NKAIN3: variants seen among roughly 807,000 people sequenced by gnomAD.
The protein encoded by NKAIN3 is sodium/potassium-transporting ATPase subunit beta-1-interacting protein 3.
Under a neutral mutation model 30.2 loss-of-function variants are expected in NKAIN3, and 25 were observed. That is an observed-to-expected ratio of 0.83 (90% CI 0.60 to 1.16). NKAIN3 has a LOEUF of 1.16. NKAIN3 is among the 50% of genes most tolerant of loss of function. The pLI, the probability that NKAIN3 is intolerant of heterozygous loss-of-function variation, is 0.00. For synonymous variants in NKAIN3, 91 were observed against 89.6 expected, an observed-to-expected ratio of 1.02 and a Z score of -0.09; for missense variants, 225 against 254.1, an observed-to-expected ratio of 0.89 and a Z score of 0.78.
chr8:62,409,184 CTT>C (rs1301730208), intron 1 of NKAIN3, among the ~76,000 whole-genome samples: 3 of 151,766 alleles, frequency 2.0e-5, no homozygotes, highest in Non-Finnish European at 4.4e-5. Flanking sequence ...TTTATATTAA[CTT>C]TTTTTTGTTG....
At chr8:62,481,216 C>A (rs1301950338) in intron 1 of NKAIN3, among the ~76,000 whole-genome samples, 1 of 151,734 alleles carries the variant, frequency 6.6e-6, no homozygotes, top group African/African-American at 2.4e-5. Flanking sequence ...TTGCATCATT[C>A]CTCATCTCAT....
chr8:62,948,914 G>C (rs72656523), intron 5 of NKAIN3, among the ~76,000 whole-genome samples: 1 of 152,056 alleles, frequency 6.6e-6, no homozygotes, highest in Non-Finnish European at 1.5e-5. Flanking sequence ...ATGCATAAAC[G>C]TACAGGAAAA....
intron 3 of NKAIN3, among the ~76,000 whole-genome samples, chr8:62,628,531 T>C (rs1188031516): frequency 6.6e-6 from 1 of 152,176 alleles, no homozygotes; most frequent in Non-Finnish European, 1.5e-5. Flanking sequence ...TGTATAATGT[T>C]ACTTCTTATT....
At chr8:62,788,500 T>C (rs1291969548) in intron 4 of NKAIN3, among the ~76,000 whole-genome samples, 1 of 152,204 alleles carries the variant, frequency 6.6e-6, no homozygotes, top group Non-Finnish European at 1.5e-5. Flanking sequence ...TTCACTCTGA[T>C]GGTGGTTTCT....
rs1823836045 is a variant in NKAIN3 at position 62,971,625 on chromosome 8, C to A, written c.*6218C>A. Reference sequence around the variant, plus strand: ...TCCAACCTGGGAGATGGAGCCAAACCTTGTCTCAAAAAAAAAGCGGGGGGG... The same window carrying A: ...TCCAACCTGGGAGATGGAGCCAAACATTGTCTCAAAAAAAAAGCGGGGGGG... On this transcript the variant is annotated 3_prime_UTR_variant, in exon 7 of 7. Coordinates refer to ENST00000623646, the MANE Select transcript of NKAIN3 (RefSeq NM_001304533.3). 6.8e-6 allele frequency among the ~76,000 whole-genome samples: 1 copy of A among 146,198 alleles called. No individual in the cohort carries two copies.
chr8:62,854,115 C>A (rs1230975682), intron 4 of NKAIN3, among the ~76,000 whole-genome samples: 1 of 152,124 alleles, frequency 6.6e-6, no homozygotes, highest in Non-Finnish European at 1.5e-5. Flanking sequence ...TGTTTTACTT[C>A]TGATTATGTG....
Position 62,409,419 on chromosome 8 carries a change from G to A in NKAIN3, c.54+160292G>A, listed in dbSNP as rs187460427. Among the ~76,000 whole-genome samples, 11 of 152,102 alleles carry A rather than the reference G, an allele frequency of 7.2e-5. No individual in the cohort carries two copies. In the East Asian group the frequency reaches 1.5e-3, roughly 21 times the overall value. On this transcript the variant is annotated intron_variant, in intron 1 of 6. Transcript: ENST00000623646. ...GGCTGGTCTCAAACTTCTGACCTCC[G>A]GTGCTCCTCCCACCTTGGCCTCCCA...
chr8:62,460,411 CAA>C (rs34652304), intron 1 of NKAIN3, among the ~76,000 whole-genome samples: 1,396 of 120,258 alleles, frequency 0.012, 16 homozygotes, highest in African/African-American at 0.038. Flanking sequence ...AATTCCATCT[CAA>C]AAAAAAAAAA....
At chr8:62,591,481 T>C (rs1005981454) in intron 3 of NKAIN3, among the ~76,000 whole-genome samples, 1 of 151,928 alleles carries the variant, frequency 6.6e-6, no homozygotes, top group Non-Finnish European at 1.5e-5. Flanking sequence ...AACAAATAAA[T>C]AAGTATCAGC....
chr8:62,681,086 C>T (rs1813630516), intron 3 of NKAIN3, among the ~76,000 whole-genome samples: 1 of 152,156 alleles, frequency 6.6e-6, no homozygotes, highest in South Asian at 2.1e-4. Flanking sequence ...TGAATCATGC[C>T]ATACCACACC....
At chr8:62,574,464 T>C (rs1810044957) in intron 1 of NKAIN3, among the ~76,000 whole-genome samples, 1 of 152,112 alleles carries the variant, frequency 6.6e-6, no homozygotes, top group South Asian at 2.1e-4. Flanking sequence ...ATTTATTTTA[T>C]TTAGTTTATT....
intron 1 of NKAIN3, among the ~76,000 whole-genome samples, chr8:62,378,856 A>G (rs1215365920): frequency 3.3e-5 from 5 of 152,146 alleles, no homozygotes; most frequent in Admixed American, 1.3e-4. Context: ...ACAAAGTCCC[A>G]CTGGGGCACT....
At chr8:62,278,519 C>T (rs1354208064) in intron 1 of NKAIN3, among the ~76,000 whole-genome samples, 3 of 152,050 alleles carry the variant, frequency 2.0e-5, no homozygotes, top group African/African-American at 4.8e-5. Flanking sequence ...CTAATGCTAT[C>T]CCTCCCCACT....
chr8:62,398,603 A>G lies in NKAIN3; in HGVS notation c.54+149476A>G, dbSNP rs1000485263. 1.3e-4 allele frequency among the ~76,000 whole-genome samples: 20 copies of G among 152,362 alleles called. No homozygotes were observed. The South Asian group carries it at 1.9e-3, about 14-fold the overall frequency. ...AGAATGGTGACAAAACAAACACGTT[A>G]CAAGCCTCAATAGGGAGATTATTCA... On this transcript the variant is annotated intron_variant, in intron 1 of 6. Coordinates refer to ENST00000623646, the MANE Select transcript of NKAIN3 (RefSeq NM_001304533.3).
chr8:62,794,984 C>A (rs1817817269), intron 4 of NKAIN3, among the ~76,000 whole-genome samples: 1 of 152,048 alleles, frequency 6.6e-6, no homozygotes, highest in South Asian at 2.1e-4. Flanking sequence ...TTATTGTGTA[C>A]CTGTGTGTGT....
rs11344224 is a variant in NKAIN3 at position 62,762,316 on chromosome 8, C to CA, written c.471+15199dup. Among the ~76,000 whole-genome samples the CA allele has an allele frequency of 3.4e-3, 490 of 143,460 alleles. 2 individuals are homozygous for CA. The highest frequency in any genetic ancestry group is 4.4e-3 in the Non-Finnish European group (288 of 65,486). 94.1% of individuals were successfully genotyped at this position (143,460 alleles called of 152,430 possible). On this transcript the variant is annotated intron_variant, in intron 4 of 6. Transcript: ENST00000623646. ...GGGCAACAAGAGCAAAACTCTGTCT[C>CA]AAAAAAAAAAAACAAAAAACAAAAA...
At chr8:62,794,010 A>T (rs1416016054) in intron 4 of NKAIN3, among the ~76,000 whole-genome samples, 1 of 152,196 alleles carries the variant, frequency 6.6e-6, no homozygotes, top group African/African-American at 2.4e-5. Flanking sequence ...CTACCTACTC[A>T]CATTGGATGT....
intron 4 of NKAIN3, among the ~76,000 whole-genome samples, chr8:62,832,379 T>G (rs1247598529): frequency 1.3e-5 from 2 of 151,144 alleles, no homozygotes; most frequent in Non-Finnish European, 3.0e-5. Context: ...AACTTCACAA[T>G]AGGATCAAAA....
chr8:62,934,552 G>C (rs2130875684), intron 5 of NKAIN3, among the ~76,000 whole-genome samples: 1 of 152,146 alleles, frequency 6.6e-6, no homozygotes, highest in African/African-American at 2.4e-5. Flanking sequence ...AGCAATGACA[G>C]AAGCTGCAGC....
Sources: allele counts gnomAD v4.1 joint callset (sites outside exome capture counted in the v4.1 genomes callset), GRCh38; gene constraint gnomAD v4.1.1; transcripts MANE v1.5; gene names NCBI Gene and HGNC (gene_info 2026-07-23, HGNC 2026-07-21).